NARS2: variants seen among roughly 807,000 people sequenced by gnomAD.
NARS2 encodes asparaginyl-tRNA synthetase 2, mitochondrial.
A neutral mutation model predicts 62.9 loss-of-function variants in NARS2; 60 were observed. That is an observed-to-expected ratio of 0.95 (90% CI 0.77 to 1.18). The LOEUF is 1.18. Ranked by LOEUF, NARS2 falls within the 50% of genes most tolerant of loss-of-function variation. NARS2 has a pLI of 0.00. For synonymous variants in NARS2, 196 were observed against 200.0 expected, an observed-to-expected ratio of 0.98 and a Z score of 0.17; for missense variants, 619 against 576.4, an observed-to-expected ratio of 1.07 and a Z score of -0.76.
At chr11:78,443,326 CAAAAA>C (rs11409113) in intron 12 of NARS2, among the ~76,000 whole-genome samples, 1 of 82,972 alleles carries the variant, frequency 1.2e-5, no homozygotes, top group African/African-American at 3.7e-5. Context: ...GACTCCGTCT[CAAAAA>C]AAAAAAAAAA....
chr11:78,454,959 T>C (rs1858106182), intron 11 of NARS2, among the ~76,000 whole-genome samples: 1 of 152,198 alleles, frequency 6.6e-6, no homozygotes, highest in South Asian at 2.1e-4. Flanking sequence ...CAACTCTATT[T>C]CAGTAAAATG....
In NARS2 at chr11:78,468,310, G is replaced by GGAAAAAAAAAAAAAAAAA. The variant is rs1555015326; in HGVS notation, c.1026+936_1026+937insTTTTTTTTTTTTTTTTTC. On this transcript the variant is annotated intron_variant, in intron 10 of 13. Transcript: ENST00000281038. ...ACCTGCTTCTGCAAGCACTAAATCT[G>GGAAAAAAAAAAAAAAAAA]AAAAAAAAAAAAAAAAAAGAAAAAA... is the stretch of plus-strand genomic sequence containing the variant. 1.9e-4 allele frequency among the ~76,000 whole-genome samples: 13 copies of GGAAAAAAAAAAAAAAAAA among 67,408 alleles called. 1 individual carries two copies. The highest frequency in any genetic ancestry group is 1.1e-3 in the East Asian group (3 of 2,682). The allele number at this position is 67,408 out of a possible 152,430, so 44.2% of individuals were successfully genotyped here. A position where few individuals can be genotyped will look rare whatever the true frequency, so the allele number is the denominator to read the frequency against.
At chr11:78,469,172 T>G in intron 10 of NARS2, 75 bp downstream of exon 10, 2 of 1,007,116 alleles carry the variant, frequency 2.0e-6, no homozygotes, top group Non-Finnish European at 3.1e-6. Context: ...TTTTGAAAGA[T>G]TCTTAACACA....
chr11:78,558,713 T>C (rs1235505328), intron 5 of NARS2: 9 of 152,148 alleles, frequency 5.9e-5, no homozygotes, highest in African/African-American at 1.2e-4. Flanking sequence ...GCCTGGCATA[T>C]ACTAGGAACT....
intron 5 of NARS2, among the ~76,000 whole-genome samples, chr11:78,557,475 A>G (rs1462375008): frequency 6.6e-6 from 1 of 152,226 alleles, no homozygotes; most frequent in African/African-American, 2.4e-5. Context: ...AAGTCTTTGT[A>G]GTCAAACTTC....
In NARS2 at chr11:78,574,575, C is replaced by A. The variant is rs753064350; in HGVS notation, c.-87G>T. ...CAGCGGCCCTCCTTTCTCAGCTGCTCCCCTTCCGCGGCCGCAGCTCTGCTC... is the reference window on the plus strand; with the variant it reads ...CAGCGGCCCTCCTTTCTCAGCTGCTACCCTTCCGCGGCCGCAGCTCTGCTC... On this transcript the variant is annotated 5_prime_UTR_variant, in exon 1 of 14. Coordinates refer to ENST00000281038, the MANE Select transcript of NARS2 (RefSeq NM_024678.6). The A allele has an allele frequency of 2.8e-6, 4 of 1,426,248 alleles. No homozygotes were observed. In the African/African-American group the frequency reaches 5.7e-5, roughly 20 times the overall value. 88.3% of individuals were successfully genotyped at this position (1,426,248 alleles called of 1,614,324 possible). A position where few individuals can be genotyped will look rare whatever the true frequency, so the allele number is the denominator to read the frequency against.
At chr11:78,497,080 G>A (rs377682809) in intron 6 of NARS2, among the ~76,000 whole-genome samples, 1 of 151,812 alleles carries the variant, frequency 6.6e-6, no homozygotes, top group African/African-American at 2.4e-5. Context: ...GAAAACACTC[G>A]GCACTAAGAA....
At chr11:78,549,516 T>C (rs1856013436) in intron 5 of NARS2, among the ~76,000 whole-genome samples, 1 of 152,188 alleles carries the variant, frequency 6.6e-6, no homozygotes, top group Non-Finnish European at 1.5e-5. Flanking sequence ...TCACTGGTGA[T>C]AAAGGCTAAA....
intron 1 of NARS2, among the ~76,000 whole-genome samples, chr11:78,574,051 T>C (rs4277140): frequency 6.6e-6 from 1 of 151,964 alleles, no homozygotes; most frequent in Non-Finnish European, 1.5e-5. Context: ...TGGATATTCA[T>C]TATAAGGGAT....
intron 5 of NARS2, among the ~76,000 whole-genome samples, chr11:78,552,433 G>A (rs1321350809): frequency 6.6e-6 from 1 of 152,108 alleles, no homozygotes; most frequent in South Asian, 2.1e-4. Context: ...TTGCTATTGT[G>A]AACAGTGAGG....
intron 4 of NARS2, among the ~76,000 whole-genome samples, chr11:78,561,792 T>G (rs1337533452): frequency 2.6e-5 from 4 of 152,070 alleles, no homozygotes; most frequent in Non-Finnish European, 5.9e-5. Context: ...AGGAGCAGTG[T>G]CTCACGCCTG....
rs954488741 is a variant in NARS2 at position 78,439,585 on chromosome 11, T to C, written c.1289+1506A>G. Among the ~76,000 whole-genome samples, 6 of 152,134 alleles carry C rather than the reference T, an allele frequency of 3.9e-5. No homozygotes were observed. The East Asian group carries it at 1.2e-3, about 29-fold the overall frequency. On this transcript the variant is annotated intron_variant, in intron 13 of 13. Transcript: ENST00000281038. ...TGAAGGAGATAGTATCATTCCATTT[T>C]ATAGCCAAAAAAACAAGACTCGGAG...
At chr11:78,560,494 T>C (rs1856521930) in intron 4 of NARS2, among the ~76,000 whole-genome samples, 1 of 152,236 alleles carries the variant, frequency 6.6e-6, no homozygotes, top group African/African-American at 2.4e-5. Context: ...GAAAAGTGAA[T>C]TTATAATAGA....
chr11:78,443,213 C>T (rs1857631292), intron 12 of NARS2, among the ~76,000 whole-genome samples: 1 of 151,444 alleles, frequency 6.6e-6, no homozygotes, highest in African/African-American at 2.4e-5. Context: ...GTAGTCCCAG[C>T]TACTTGGGAG....
intron 12 of NARS2, 81 bp from the exon 13 acceptor site, chr11:78,441,198 G>T: frequency 1.6e-6 from 2 of 1,276,282 alleles, no homozygotes; most frequent in Non-Finnish European, 1.1e-6. Flanking sequence ...CTGGGTGTGT[G>T]CAAAGAACTC....
intron 5 of NARS2, chr11:78,533,048 CTTGA>C (rs1426897847): frequency 2.6e-5 from 4 of 152,118 alleles, no homozygotes; most frequent in Admixed American, 1.3e-4. Context: ...TTCTGGGCCT[CTTGA>C]TTATTTCAGG....
chr11:78,495,713 C>T (rs985810413), intron 6 of NARS2, among the ~76,000 whole-genome samples: 1 of 152,110 alleles, frequency 6.6e-6, no homozygotes, highest in Admixed American at 6.5e-5. Context: ...ATGTCACTGA[C>T]GCCCTCAGTA....
intron 11 of NARS2, among the ~76,000 whole-genome samples, chr11:78,445,006 T>C (rs1857708466): frequency 6.6e-6 from 1 of 152,162 alleles, no homozygotes; most frequent in African/African-American, 2.4e-5. Context: ...ATTACAGCAT[T>C]ACTTATGACA....
chr11:78,506,485 C>T (rs1350764557), intron 6 of NARS2, among the ~76,000 whole-genome samples: 1 of 152,134 alleles, frequency 6.6e-6, no homozygotes, highest in African/African-American at 2.4e-5. Context: ...GAAGAAACCA[C>T]CAGGAATCTG....
Sources: allele counts gnomAD v4.1 joint callset (sites outside exome capture counted in the v4.1 genomes callset), GRCh38; gene constraint gnomAD v4.1.1; transcripts MANE v1.5; gene names NCBI Gene and HGNC (gene_info 2026-07-23, HGNC 2026-07-21).